SYNE2: variants seen among roughly 807,000 people sequenced by gnomAD.
SYNE2 encodes spectrin repeat containing nuclear envelope protein 2, also known as nesprin-2.
A neutral mutation model predicts 856.3 loss-of-function variants in SYNE2; 431 were observed. That is an observed-to-expected ratio of 0.50 (90% CI 0.47 to 0.55). SYNE2 has a LOEUF of 0.55. SYNE2 is among the 20% of genes least tolerant of loss of function. The probability of loss-of-function intolerance (pLI) is 0.00; values close to 1 mark genes in which losing one functional copy is unlikely to be tolerated. For missense variants in SYNE2, 8,129 were observed against 8,023.2 expected (o/e 1.01, Z -0.50); for synonymous variants, 2,923 against 2,872.3 (o/e 1.02, Z -0.56).
chr14:64,153,596 T>C (rs1035933050), intron 85 of SYNE2, among the ~76,000 whole-genome samples: 2 of 152,026 alleles, frequency 1.3e-5, no homozygotes, highest in Admixed American at 6.6e-5. Flanking sequence ...AGCAGAAAAA[T>C]AGAGATGAGC....
rs1173267754 is a variant in SYNE2, at chr14:63,877,058, C to T, written c.-52+23915C>T. Among the ~76,000 whole-genome samples the T allele has an allele frequency of 2.0e-5, 3 of 152,204 alleles. No individual in the cohort carries two copies. In the East Asian group the frequency reaches 5.8e-4, roughly 29 times the overall value. ...ATGAGGGATACATTAATTTGCTGGG[C>T]AATTGATTTTCCCTTGGGATAAGAG... On this transcript the variant is annotated intron_variant, in intron 1 of 115. Transcript: ENST00000555002.
Position 64,210,175 on chromosome 14 carries a change from G to A in SYNE2, c.18723+51G>A, listed in dbSNP as rs567697482. 35 of 1,589,216 alleles carry A rather than the reference G, an allele frequency of 2.2e-5. 1 individual carries two copies. Among genetic ancestry groups the A allele is most frequent in the East Asian group, 6.8e-5 (3 of 44,242 alleles). ...GTGTAGATTTTCCAGGAGACATAAC[G>A]CACGATACGCAATGGCAGGCTTGTG... is the stretch of plus-strand genomic sequence containing the variant. On this transcript the variant is annotated intron_variant, in intron 103 of 115. Coordinates refer to ENST00000555002, the MANE Select transcript of SYNE2 (RefSeq NM_182914.3).
At chr14:63,830,984 G>C (rs1238253838) in intron 1 of SYNE2, among the ~76,000 whole-genome samples, 1 of 151,610 alleles carries the variant, frequency 6.6e-6, no homozygotes, top group Non-Finnish European at 1.5e-5. Context: ...GGGATTACAG[G>C]CACCTGCCAC....
intron 88 of SYNE2, chr14:64,162,533 C>T: frequency 1.9e-6 from 1 of 514,898 alleles, no homozygotes; most frequent in African/African-American, 1.9e-5. Flanking sequence ...TCTAGTGTTA[C>T]ATCTCTAAGG....
intron 45 of SYNE2, among the ~76,000 whole-genome samples, chr14:64,033,952 T>C (rs1256564155): frequency 1.3e-5 from 2 of 152,222 alleles, no homozygotes; most frequent in Non-Finnish European, 2.9e-5. Flanking sequence ...TGTATCTGTA[T>C]GGCTTATTTT....
At chr14:64,181,463 A>G (rs1020392264) in intron 96 of SYNE2, among the ~76,000 whole-genome samples, 3 of 152,068 alleles carry the variant, frequency 2.0e-5, no homozygotes, top group Non-Finnish European at 2.9e-5. Flanking sequence ...ATTTTTCTCA[A>G]GTATCACACT....
intron 115 of SYNE2, 81 bp downstream of exon 115, chr14:64,225,126 A>C: frequency 6.4e-7 from 1 of 1,574,602 alleles, no homozygotes; most frequent in Non-Finnish European, 8.7e-7. Context: ...GCCACTATCA[A>C]GGTCCTTGCA....
At chr14:64,112,986 C>T (rs766611735) in intron 65 of SYNE2, 8 of 984,990 alleles carry the variant, frequency 8.1e-6, no homozygotes, top group South Asian at 9.4e-5. Context: ...TCATGTGTCA[C>T]GTAACGCTAA....
At chr14:64,155,013 C>A (rs2098274234) in intron 85 of SYNE2, among the ~76,000 whole-genome samples, 1 of 152,118 alleles carries the variant, frequency 6.6e-6, no homozygotes. Context: ...AGACGTAACC[C>A]TCACAAACTG....
intron 89 of SYNE2, 84 bp downstream of exon 89, chr14:64,163,665 G>A: frequency 7.9e-6 from 12 of 1,514,434 alleles, no homozygotes; most frequent in Non-Finnish European, 6.3e-6. Context: ...AAGCAGTAGT[G>A]CTTTACGGGC....
intron 25 of SYNE2, 129 bp downstream of exon 25, chr14:63,997,520 A>T (rs1020287060): frequency 8.7e-6 from 7 of 808,828 alleles, no homozygotes; most frequent in Middle Eastern, 2.6e-4. Flanking sequence ...GAGAATTTCC[A>T]CTTACACAAT....
chr14:64,003,966 A>G (rs1465279020), intron 30 of SYNE2, among the ~76,000 whole-genome samples: 1 of 152,138 alleles, frequency 6.6e-6, no homozygotes, highest in Non-Finnish European at 1.5e-5. Context: ...AATGTTAGCA[A>G]CAGTCGCTTT....
intron 45 of SYNE2, among the ~76,000 whole-genome samples, chr14:64,037,193 G>C (rs576771407): frequency 5.3e-5 from 8 of 151,738 alleles, no homozygotes; most frequent in South Asian, 4.2e-4. Context: ...GGATTTGGCG[G>C]GGTCATAGGA....
At chr14:64,017,328 C>CAAAAAAAAAAAAAAA (rs34399201) in intron 33 of SYNE2, among the ~76,000 whole-genome samples, 2 of 66,582 alleles carry the variant, frequency 3.0e-5, no homozygotes, top group South Asian at 8.1e-4. Flanking sequence ...GACTCCATCT[C>CAAAAAAAAAAAAAAA]AAAAAAAAAA....
At chr14:64,123,368 A>G (rs967630624) in intron 70 of SYNE2, among the ~76,000 whole-genome samples, 4 of 152,168 alleles carry the variant, frequency 2.6e-5, no homozygotes, top group Non-Finnish European at 5.9e-5. Flanking sequence ...GCCTTCCACC[A>G]CATACTCACA....
Position 64,024,320 on chromosome 14 carries a change from G to C in SYNE2, c.5701G>C (p.Val1901Leu), listed in dbSNP as rs754363562. The C allele has an allele frequency of 6.2e-7, 1 of 1,614,166 alleles. No homozygotes were observed. Among genetic ancestry groups the C allele is most frequent in the Non-Finnish European group, 8.5e-7 (1 of 1,180,002 alleles). The change falls in exon 39 of 116, where the codon GTG becomes CTG. Residue 1901 changes from valine to leucine, a missense_variant. By Grantham distance (32) the Val-to-Leu change is conservative. Coordinates refer to ENST00000555002, the MANE Select transcript of SYNE2 (RefSeq NM_182914.3). ...IKQVDSVLKH[V>L]KKHLPKAHVK... ...GCAGGTGGACAGCGTACTGAAGCAT[G>C]TGAAGAAGCATCTGCCCAAAGCACA...
chr14:64,193,477 G>A (rs2098527093), intron 99 of SYNE2, among the ~76,000 whole-genome samples: 2 of 152,114 alleles, frequency 1.3e-5, no homozygotes, highest in Admixed American at 1.3e-4. Flanking sequence ...TTGAACCTGG[G>A]AGGTGGAGGT....
intron 92 of SYNE2, 29 bp downstream of exon 92, chr14:64,167,668 A>G: frequency 6.2e-7 from 1 of 1,613,994 alleles, no homozygotes; most frequent in Non-Finnish European, 8.5e-7. Context: ...CCACCCTTGA[A>G]CCGCTCATCT....
At chr14:63,772,856 C>G (rs1180767969) in intron 1 of SYNE2, among the ~76,000 whole-genome samples, 2 of 151,930 alleles carry the variant, frequency 1.3e-5, no homozygotes, top group East Asian at 3.9e-4. Flanking sequence ...CGACTCACTG[C>G]AACCTCCACC....
Sources: allele counts gnomAD v4.1 joint callset (sites outside exome capture counted in the v4.1 genomes callset), GRCh38; gene constraint gnomAD v4.1.1; transcripts MANE v1.5; gene names NCBI Gene and HGNC (gene_info 2026-07-23, HGNC 2026-07-21).